The following TTC23 variants were observed in gnomAD, a reference collection of about 807,000 sequenced individuals.
The protein encoded by TTC23 is tetratricopeptide repeat domain 23, also known as tetratricopeptide repeat protein 23.
A neutral mutation model predicts 55.1 loss-of-function variants in TTC23; 58 were observed. That is an observed-to-expected ratio of 1.05 (90% CI 0.85 to 1.31). TTC23 has a LOEUF of 1.31. Ranked by LOEUF, TTC23 falls within the 50% of genes most tolerant of loss-of-function variation. The pLI, the probability that TTC23 is intolerant of heterozygous loss-of-function variation, is 0.00. For synonymous variants in TTC23, 203 were observed against 199.9 expected (o/e 1.02, Z -0.13); for missense variants, 516 against 534.4 (o/e 0.97, Z 0.34).
Position 99,152,459 on chromosome 15 carries a change from C to T in TTC23, c.1143+3689G>A, listed in dbSNP as rs184181208. 8.9e-4 allele frequency among the ~76,000 whole-genome samples: 136 copies of T among 152,256 alleles called. 1 individual carries two copies. Among genetic ancestry groups the T allele is most frequent in the African/African-American group, 2.6e-3 (109 of 41,538 alleles). ...TGGCATGATCTCGGCTCACTGCAACCTCTGCCTCCCGAGTTCAAGCGACTC... is the reference window on the plus strand; with the variant it reads ...TGGCATGATCTCGGCTCACTGCAACTTCTGCCTCCCGAGTTCAAGCGACTC... On this transcript the variant is annotated intron_variant, in intron 12 of 13. Transcript: ENST00000394132.
intron 5 of TTC23, among the ~76,000 whole-genome samples, chr15:99,225,292 T>C (rs1189245548): frequency 6.6e-6 from 1 of 152,174 alleles, no homozygotes; most frequent in Non-Finnish European, 1.5e-5. Flanking sequence ...CCAGTGACTT[T>C]AGCAATAGGC....
At chr15:99,170,044 A>G (rs897231592) in intron 10 of TTC23, among the ~76,000 whole-genome samples, 2 of 152,196 alleles carry the variant, frequency 1.3e-5, no homozygotes, top group African/African-American at 4.8e-5. Flanking sequence ...GATGAGTTAT[A>G]AACACAAAGC....
At chr15:99,148,844 T>C (rs1555495428) in intron 12 of TTC23, 3 of 152,272 alleles carry the variant, frequency 2.0e-5, no homozygotes, top group Admixed American at 6.5e-5. Context: ...TGCAGGCAGA[T>C]GCCTTTAAAA....
chr15:99,225,899 G>C (rs548224613), intron 5 of TTC23, among the ~76,000 whole-genome samples: 8 of 152,212 alleles, frequency 5.3e-5, no homozygotes, highest in African/African-American at 1.9e-4. Flanking sequence ...ATCACTGTAC[G>C]AAGACAAACA....
At chr15:99,221,910 T>C in intron 5 of TTC23, 46 bp from the exon 6 acceptor site, 1 of 1,600,498 alleles carries the variant, frequency 6.2e-7, no homozygotes, top group Non-Finnish European at 8.5e-7. Flanking sequence ...AACTTAAGAG[T>C]CACAAAACAC....
chr15:99,161,124 G>GCA (rs2151895525), intron 11 of TTC23: 1 of 150,942 alleles, frequency 6.6e-6, no homozygotes, highest in African/African-American at 2.4e-5. Flanking sequence ...ACATATATAT[G>GCA]CACACACATA....
rs1395082958 is a variant in TTC23, at chr15:99,218,944, T to C, written c.409A>G (p.Ile137Val). Reference protein sequence around the residue: ...SENTDVFKFSIELFHTMGRAL... With the variant: ...SENTDVFKFSVELFHTMGRAL... ...CTGCCCATGGTATGGAAAAGCTCAA[T>C]GGAAAACTTGAAAACATCTGTATTC... Residue 137 changes from isoleucine (I) to valine (V), a missense_variant, in exon 7 of 14, where the codon ATT (isoleucine) becomes GTT (valine). Transcript: ENST00000394132. 6.2e-7 allele frequency: 1 copy of C among 1,614,048 alleles called. No individual in the cohort carries two copies. Among genetic ancestry groups the C allele is most frequent in the Non-Finnish European group, 8.5e-7 (1 of 1,180,016 alleles).
At chr15:99,230,277 A>C (rs2078829464) in intron 4 of TTC23, among the ~76,000 whole-genome samples, 1 of 152,216 alleles carries the variant, frequency 6.6e-6, no homozygotes, top group Non-Finnish European at 1.5e-5. Context: ...ATGGCAGATA[A>C]GATACTGCAG....
rs2078675938 is a variant in TTC23, at chr15:99,228,713, AT to A, written c.-2del. On this transcript the variant is annotated 5_prime_UTR_variant, in exon 5 of 14. Coordinates refer to ENST00000394132, the MANE Select transcript of TTC23 (RefSeq NM_001288615.3). ...TGTGGGTTTCCTGTGATTCTTGCATATTTTTATATACATTGTCTTCTAATTT... is the reference window on the plus strand; with the variant it reads ...TGTGGGTTTCCTGTGATTCTTGCATATTTTATATACATTGTCTTCTAATTT... The A allele has an allele frequency of 6.3e-7, 1 of 1,584,526 alleles. No individual in the cohort carries two copies. Among genetic ancestry groups the A allele is most frequent in the South Asian group, 1.2e-5 (1 of 86,184 alleles).
At chr15:99,233,989 CAAAA>C (rs981511691) in intron 4 of TTC23, among the ~76,000 whole-genome samples, 1 of 151,896 alleles carries the variant, frequency 6.6e-6, no homozygotes, top group Non-Finnish European at 1.5e-5. Flanking sequence ...AAAAATAAAA[CAAAA>C]AACCCCTTTG....
chr15:99,151,845 G>A (rs1036844575), intron 12 of TTC23, among the ~76,000 whole-genome samples: 2 of 152,130 alleles, frequency 1.3e-5, no homozygotes, highest in South Asian at 2.1e-4. Flanking sequence ...CCAACATGGC[G>A]AAACCATCTC....
intron 4 of TTC23, among the ~76,000 whole-genome samples, chr15:99,229,840 G>A (rs2078788168): frequency 6.6e-6 from 1 of 152,226 alleles, no homozygotes; most frequent in South Asian, 2.1e-4. Context: ...TTTCATCTCA[G>A]TAGAGGCGAT....
In TTC23 at chr15:99,170,808, C is replaced by T. The variant is rs1288094146; in HGVS notation, c.865+4242G>A. On this transcript the variant is annotated intron_variant, in intron 10 of 13. Transcript: ENST00000394132. ...GGGAATGTACCCACCTGTGCTCCTGCTGCAGCCCCTGGCTGGGTGGTGCCT... is the reference window on the plus strand; with the variant it reads ...GGGAATGTACCCACCTGTGCTCCTGTTGCAGCCCCTGGCTGGGTGGTGCCT... 1.3e-5 allele frequency among the ~76,000 whole-genome samples: 2 copies of T among 152,238 alleles called. 1 individual carries two copies. Among genetic ancestry groups the T allele is most frequent in the Non-Finnish European group, 2.9e-5 (2 of 68,046 alleles).
chr15:99,161,069 T>C (rs2071309706), intron 11 of TTC23: 1 of 147,298 alleles, frequency 6.8e-6, no homozygotes, highest in African/African-American at 2.5e-5. Flanking sequence ...AGGACTTAGG[T>C]GCGCTGAGAA....
chr15:99,217,531 C>T (rs934269509), intron 8 of TTC23, among the ~76,000 whole-genome samples: 5 of 152,066 alleles, frequency 3.3e-5, no homozygotes, highest in African/African-American at 9.7e-5. Context: ...TACTCAAAAA[C>T]GTAAGCCATC....
At chr15:99,173,119 T>G (rs546129667) in intron 10 of TTC23, among the ~76,000 whole-genome samples, 2 of 152,336 alleles carry the variant, frequency 1.3e-5, no homozygotes, top group South Asian at 4.1e-4. Context: ...GGTTTGGTAT[T>G]CATTCAGGAA....
At chr15:99,187,462 A>AAAAAAAAAAAAAAAAAAAAAAG (rs1230105824) in intron 9 of TTC23, among the ~76,000 whole-genome samples, 3 of 132,546 alleles carry the variant, frequency 2.3e-5, no homozygotes, top group African/African-American at 2.7e-5. Context: ...CAAAAAAAAA[A>AAAAAAAAAAAAAAAAAAAAAAG]AAAAAACAAA....
chr15:99,243,717 CAG>C (rs2079999863), intron 2 of TTC23, among the ~76,000 whole-genome samples: 1 of 152,052 alleles, frequency 6.6e-6, no homozygotes, highest in Admixed American at 6.5e-5. Context: ...ATTAACCAGG[CAG>C]AGAGAGACAA....
At chr15:99,225,852 T>C (rs138731443) in intron 5 of TTC23, among the ~76,000 whole-genome samples, 5 of 152,314 alleles carry the variant, frequency 3.3e-5, no homozygotes, top group African/African-American at 1.2e-4. Flanking sequence ...TAAAGAAACC[T>C]GCCAGACAGC....
Sources: allele counts gnomAD v4.1 joint callset (sites outside exome capture counted in the v4.1 genomes callset), GRCh38; gene constraint gnomAD v4.1.1; transcripts MANE v1.5; gene names NCBI Gene and HGNC (gene_info 2026-07-23, HGNC 2026-07-21).